PTN: variants seen among roughly 807,000 people sequenced by gnomAD.
The protein encoded by PTN is heparin affin regulatory protein.
Under a neutral mutation model 24.1 loss-of-function variants are expected in PTN, and 18 were observed. The observed-to-expected ratio is 0.75, with a 90% confidence interval of 0.52 to 1.11. The LOEUF is 1.11. PTN is among the 50% of genes least tolerant of loss of function. PTN has a pLI of 0.00. For missense variants in PTN, 163 were observed against 198.8 expected, an observed-to-expected ratio of 0.82 and a Z score of 1.08; for synonymous variants, 78 against 68.6, an observed-to-expected ratio of 1.14 and a Z score of -0.67.
intron 1 of PTN, among the ~76,000 whole-genome samples, chr7:137,335,401 C>A (rs957121107): frequency 2.8e-4 from 43 of 152,158 alleles, no homozygotes; most frequent in African/African-American, 9.2e-4. Flanking sequence ...CAGGTGGTGT[C>A]TGCAATTTTC....
chr7:137,276,303 C>G (rs562969712), intron 1 of PTN, among the ~76,000 whole-genome samples: 2 of 152,212 alleles, frequency 1.3e-5, no homozygotes, highest in East Asian at 3.9e-4. Flanking sequence ...CCCTAGAGAC[C>G]CAGCTCTTCC....
At chr7:137,231,236 A>T (rs1378988883) in intron 4 of PTN, among the ~76,000 whole-genome samples, 2 of 151,940 alleles carry the variant, frequency 1.3e-5, no homozygotes, top group African/African-American at 2.4e-5. Context: ...ATGGATCCAT[A>T]ACATGGTGAT....
chr7:137,308,998 AGTACATACT>A (rs1809934814), intron 1 of PTN, among the ~76,000 whole-genome samples: 1 of 152,224 alleles, frequency 6.6e-6, no homozygotes, highest in Non-Finnish European at 1.5e-5. Flanking sequence ...CAGGATGCAA[AGTACATACT>A]GAAATAGATC....
chr7:137,302,390 G>A (rs1238504354), intron 1 of PTN, among the ~76,000 whole-genome samples: 1 of 151,968 alleles, frequency 6.6e-6, no homozygotes, highest in African/African-American at 2.4e-5. Flanking sequence ...AAGGAAGAAT[G>A]TGGTTGCTTT....
chr7:137,250,281 A>G (rs71550667), intron 4 of PTN, among the ~76,000 whole-genome samples: 135 of 152,292 alleles, frequency 8.9e-4, no homozygotes, highest in Middle Eastern at 3.4e-3. Flanking sequence ...CAAGCCTAAG[A>G]TCAAGGCATC....
At chr7:137,260,053 C>T (rs967666179) in intron 1 of PTN, among the ~76,000 whole-genome samples, 6 of 152,048 alleles carry the variant, frequency 3.9e-5, no homozygotes, top group Admixed American at 2.6e-4. Context: ...ATCAGCAAAA[C>T]ATGGCATTAA....
intron 1 of PTN, among the ~76,000 whole-genome samples, chr7:137,292,843 A>C (rs1041183307): frequency 3.9e-5 from 6 of 152,162 alleles, no homozygotes; most frequent in Non-Finnish European, 8.8e-5. Context: ...ACTGTATTCC[A>C]TTTAGGGTCA....
chr7:137,247,479 G>T (rs565022754), intron 4 of PTN, among the ~76,000 whole-genome samples: 9 of 152,114 alleles, frequency 5.9e-5, no homozygotes, highest in African/African-American at 1.9e-4. Flanking sequence ...CAAACTCAAG[G>T]ACATAGAGAG....
intron 1 of PTN, among the ~76,000 whole-genome samples, chr7:137,289,652 C>A (rs971835481): frequency 4.6e-5 from 7 of 152,070 alleles, no homozygotes; most frequent in Non-Finnish European, 8.8e-5. Context: ...GGAGGGATCA[C>A]GTGGCAAGGA....
chr7:137,266,023 A>C (rs56926299), intron 1 of PTN, among the ~76,000 whole-genome samples: 22,472 of 152,156 alleles, frequency 0.15, 1,855 homozygotes, highest in East Asian at 0.26. Context: ...TATTAATGTT[A>C]AACTTAATTT....
At chr7:137,265,593 C>A (rs1334456314) in intron 1 of PTN, among the ~76,000 whole-genome samples, 1 of 152,204 alleles carries the variant, frequency 6.6e-6, no homozygotes, top group Admixed American at 6.5e-5. Context: ...GGGTACCAGA[C>A]TTTGGGATAT....
At chr7:137,314,330 TC>T (rs1810033218) in intron 1 of PTN, among the ~76,000 whole-genome samples, 1 of 152,152 alleles carries the variant, frequency 6.6e-6, no homozygotes, top group Non-Finnish European at 1.5e-5. Flanking sequence ...CTTACTTTGT[TC>T]CATGTACTAC....
chr7:137,304,722 T>G (rs1809859654), intron 1 of PTN, among the ~76,000 whole-genome samples: 2 of 151,998 alleles, frequency 1.3e-5, no homozygotes, highest in Admixed American at 1.3e-4. Context: ...CAAAAATGAA[T>G]GCCTACTACC....
rs148972224 is a variant in PTN at position 137,315,658 on chromosome 7, G to A, written c.-2+27781C>T. Among the ~76,000 whole-genome samples the A allele has an allele frequency of 2.6e-4, 39 of 152,230 alleles. No homozygotes were observed. The East Asian group carries it at 7.5e-3, about 29-fold the overall frequency. ...AACCACCTAGTGACTCTGGGCTTCCGTCTCACACCCCTTACTGACAGCCTG... is the reference window on the plus strand; with the variant it reads ...AACCACCTAGTGACTCTGGGCTTCCATCTCACACCCCTTACTGACAGCCTG... On this transcript the variant is annotated intron_variant, in intron 1 of 4. Transcript: ENST00000348225.
chr7:137,332,537 TG>T (rs1562973603), intron 1 of PTN, among the ~76,000 whole-genome samples: 1 of 152,154 alleles, frequency 6.6e-6, no homozygotes, highest in African/African-American at 2.4e-5. Context: ...GAAAAAATAA[TG>T]GGAAGAAAGG....
chr7:137,312,264 G>C (rs1323942331), intron 1 of PTN, among the ~76,000 whole-genome samples: 1 of 152,206 alleles, frequency 6.6e-6, no homozygotes, highest in Non-Finnish European at 1.5e-5. Flanking sequence ...AGACTGTGCA[G>C]CAATGAGGCA....
At position 137,280,699 on chromosome 7, in the gene PTN, C is replaced by CAAAAAAAAAAAAAAAAAAAA. The variant is rs58738876; in HGVS notation, c.-1-25745_-1-25726dup. 9.0e-3 allele frequency among the ~76,000 whole-genome samples: 399 copies of CAAAAAAAAAAAAAAAAAAAA among 44,334 alleles called. 130 individuals are homozygous for CAAAAAAAAAAAAAAAAAAAA. The highest frequency in any genetic ancestry group is 0.012 in the Non-Finnish European group (296 of 24,726). The allele number at this position is 44,334 out of a possible 152,430, so 29.1% of individuals were successfully genotyped here. ...CAAAACCCCGTCTCTACTAAAAATA[C>CAAAAAAAAAAAAAAAAAAAA]AAAAAAAAAAAAAAAAAAAAAAAAA... is the stretch of plus-strand genomic sequence containing the variant. On this transcript the variant is annotated intron_variant, in intron 1 of 4. Transcript: ENST00000348225.
intron 4 of PTN, among the ~76,000 whole-genome samples, chr7:137,248,360 G>A (rs1808760746): frequency 6.6e-6 from 1 of 152,062 alleles, no homozygotes; most frequent in Non-Finnish European, 1.5e-5. Flanking sequence ...TTTTATATCT[G>A]ACACATCTCC....
At chr7:137,325,516 A>C (rs1810244174) in intron 1 of PTN, 1 of 152,920 alleles carries the variant, frequency 6.5e-6, no homozygotes. Flanking sequence ...TCACCATCAC[A>C]AAACACCCAC....
Sources: allele counts gnomAD v4.1 joint callset (sites outside exome capture counted in the v4.1 genomes callset), GRCh38; gene constraint gnomAD v4.1.1; transcripts MANE v1.5; gene names NCBI Gene and HGNC (gene_info 2026-07-23, HGNC 2026-07-21).